Variants in ANKRD1 observed in about 807,000 individuals in gnomAD.
ANKRD1 encodes the protein ankyrin repeat domain-containing protein 1.
Under a neutral mutation model 40.1 loss-of-function variants are expected in ANKRD1, and 32 were observed. That is an observed-to-expected ratio of 0.80 (90% CI 0.60 to 1.07). The LOEUF is 1.07. ANKRD1 is among the 50% of genes least tolerant of loss of function. The pLI, the probability that ANKRD1 is intolerant of heterozygous loss-of-function variation, is 0.00. For missense variants in ANKRD1, 359 were observed against 386.0 expected (o/e 0.93, Z 0.59); for synonymous variants, 149 against 141.2 (o/e 1.06, Z -0.39).
Position 90,919,118 on chromosome 10 carries a change from A to G in ANKRD1, c.345+13T>C. On this transcript the variant is annotated intron_variant, in intron 3 of 8. Coordinates refer to ENST00000371697, the MANE Select transcript of ANKRD1 (RefSeq NM_014391.3). ...GGACATGTATTACTGGAAACCAAAA[A>G]AAAAGCCCTTACAATGATTTCAGGT... 6.2e-7 allele frequency: 1 copy of G among 1,612,820 alleles called. No homozygotes were observed. The highest frequency in any genetic ancestry group is 8.5e-7 in the Non-Finnish European group (1 of 1,179,696).
At chr10:90,917,068 T>C (rs767561665) in intron 5 of ANKRD1, among the ~76,000 whole-genome samples, 7 of 152,290 alleles carry the variant, frequency 4.6e-5, no homozygotes, top group Admixed American at 2.0e-4. Flanking sequence ...TTTTTTTCAA[T>C]GTGTTTATGT....
chr10:90,916,636 CA>C (rs1215117388), intron 5 of ANKRD1, among the ~76,000 whole-genome samples: 1 of 152,092 alleles, frequency 6.6e-6, no homozygotes, highest in Non-Finnish European at 1.5e-5. Flanking sequence ...AACCAGGTTC[CA>C]AAAAGTTCAA....
chr10:90,915,898 G>A lies in ANKRD1; in HGVS notation c.652-18C>T, dbSNP rs779127662. 5.6e-6 allele frequency: 9 copies of A among 1,609,684 alleles called. No homozygotes were observed. The highest frequency in any genetic ancestry group is 1.3e-5 in the African/African-American group (1 of 74,458). On this transcript the variant is annotated intron_variant, in intron 6 of 8. Transcript: ENST00000371697. The stretch of plus-strand genomic sequence containing the variant: ...CTGAGCAACTGGAAAATTGGAAAAC[G>A]CTGCTGATTCGCTAGGAATGAGGAC...
At chr10:90,920,632 CCTT>C (rs1442558878) in intron 1 of ANKRD1, among the ~76,000 whole-genome samples, 1 of 152,194 alleles carries the variant, frequency 6.6e-6, no homozygotes, top group African/African-American at 2.4e-5. Flanking sequence ...AAATCAAAAA[CCTT>C]CTCTGCTTAA....
intron 4 of ANKRD1, among the ~76,000 whole-genome samples, chr10:90,918,494 CT>C (rs1847396420): frequency 6.6e-6 from 1 of 151,878 alleles, no homozygotes. Context: ...GAACTCCAAT[CT>C]CCAGATTTCT....
chr10:90,913,191 G>T (rs550067720), intron 8 of ANKRD1, among the ~76,000 whole-genome samples: 11 of 152,118 alleles, frequency 7.2e-5, no homozygotes, highest in Non-Finnish European at 1.5e-5. Flanking sequence ...TCTTTTTCAC[G>T]TGGGACCATC....
chr10:90,915,981 C>T (rs1847366271), intron 6 of ANKRD1, 101 bp from the exon 7 acceptor site: 4 of 1,191,700 alleles, frequency 3.4e-6, no homozygotes, highest in South Asian at 1.3e-5. Flanking sequence ...ACTAGGGTGC[C>T]TGCACACAGC....
intron 1 of ANKRD1, 112 bp from the exon 2 acceptor site, chr10:90,920,460 T>C: frequency 8.8e-7 from 1 of 1,134,964 alleles, no homozygotes; most frequent in East Asian, 2.3e-5. Flanking sequence ...ACAGCCACCT[T>C]TGAGCAGTGC....
In ANKRD1 at chr10:90,915,541, A is replaced by C; in HGVS notation, c.849+2T>G. Reference sequence around the variant, plus strand: ...GCGGTGTTTCTTGTTTCCAGTACTTACACAGTTCTTGATGTTGAGATCCGC... The same window carrying C: ...GCGGTGTTTCTTGTTTCCAGTACTTCCACAGTTCTTGATGTTGAGATCCGC... On this transcript the variant is annotated splice_donor_variant, in intron 8 of 8. Transcript: ENST00000371697. LOFTEE classifies it high-confidence loss of function. The C allele has an allele frequency of 6.2e-7, 1 of 1,613,130 alleles. No individual in the cohort carries two copies. The highest frequency in any genetic ancestry group is 8.5e-7 in the Non-Finnish European group (1 of 1,179,190).
chr10:90,913,078 T>C (rs1847334893), intron 8 of ANKRD1, 102 bp from the exon 9 acceptor site: 2 of 1,082,974 alleles, frequency 1.8e-6, no homozygotes, highest in Non-Finnish European at 2.8e-6. Flanking sequence ...GTATATGTTA[T>C]AACAGTGTTT....
intron 1 of ANKRD1, 139 bp downstream of exon 1, chr10:90,920,862 C>G: frequency 1.3e-6 from 1 of 770,490 alleles, no homozygotes; most frequent in Non-Finnish European, 2.1e-6. Context: ...TCACTTGTTT[C>G]ATCACATCAA....
rs917552147 is a variant in ANKRD1, at chr10:90,919,031, G to A, written c.346-59C>T. 1.6e-5 allele frequency: 24 copies of A among 1,530,906 alleles called. No homozygotes were observed. The African/African-American group carries it at 1.6e-4, about 10-fold the overall frequency. The allele number at this position is 1,530,906 out of a possible 1,614,324, so 94.8% of individuals were successfully genotyped here. ...ATATATATATAGCATGAGAGTTACCGTGAGCTTGCCAGCATTCAATCAAAC... is the reference window on the plus strand; with the variant it reads ...ATATATATATAGCATGAGAGTTACCATGAGCTTGCCAGCATTCAATCAAAC... On this transcript the variant is annotated intron_variant, in intron 3 of 8. Coordinates refer to ENST00000371697, the MANE Select transcript of ANKRD1 (RefSeq NM_014391.3).
At chr10:90,917,347 A>G (rs145832579) in intron 5 of ANKRD1, among the ~76,000 whole-genome samples, 1 of 152,340 alleles carries the variant, frequency 6.6e-6, no homozygotes, top group African/African-American at 2.4e-5. Context: ...TCTATCATAT[A>G]AAGTGTGCAG....
intron 4 of ANKRD1, among the ~76,000 whole-genome samples, 180 bp from the exon 5 acceptor site, chr10:90,918,010 C>T (rs920689730): frequency 1.7e-4 from 26 of 152,236 alleles, no homozygotes; most frequent in African/African-American, 6.0e-4. Flanking sequence ...TATCCTGCAA[C>T]TAATATTTGA....
chr10:90,912,937 T>C lies in ANKRD1; in HGVS notation c.889A>G (p.Asn297Asp), dbSNP rs867948483. 3 of 1,614,114 alleles carry C rather than the reference T, an allele frequency of 1.9e-6. No homozygotes were observed. Among genetic ancestry groups the C allele is most frequent in the African/African-American group, 2.7e-5 (2 of 75,052 alleles). ...CTGTCGAATATTGCTTTGGTTCCAT[T>C]CTGCCAGTGTAGCACCAGATCCATC... is the stretch of plus-strand genomic sequence containing the variant. ...TPMDLVLHWQ[N>D]GTKAIFDSLR... is the part of the protein sequence containing the mutation. The change falls in exon 9 of 9, where the codon AAT becomes GAT. Residue 297 changes from asparagine to aspartate, a missense_variant. By Grantham distance (23) the Asn-to-Asp change is conservative. Transcript: ENST00000371697.
chr10:90,915,660 C>G lies in ANKRD1; in HGVS notation c.751-19G>C, dbSNP rs1238496607. 1 of 1,612,674 alleles carries G rather than the reference C, an allele frequency of 6.2e-7. No homozygotes were observed. The highest frequency in any genetic ancestry group is 8.5e-7 in the Non-Finnish European group (1 of 1,179,092). On this transcript the variant is annotated intron_variant, in intron 7 of 8. Transcript: ENST00000371697. ...CTCCTTCCTAGAGAAGCAGAGTCAA[C>G]AGGTTCAAGGTGGGTCTGAGGCCAG...
intron 1 of ANKRD1, 31 bp from the exon 2 acceptor site, chr10:90,920,379 G>A (rs776218760): frequency 1.6e-5 from 26 of 1,612,880 alleles, no homozygotes; most frequent in Non-Finnish European, 2.2e-5. Context: ...AGCGTCAGAA[G>A]CAGCAGCCTC....
intron 4 of ANKRD1, 93 bp from the exon 5 acceptor site, chr10:90,917,923 CCTAA>C: frequency 9.9e-7 from 1 of 1,010,706 alleles, no homozygotes; most frequent in Non-Finnish European, 1.5e-6. Context: ...ATTCTGATGA[CCTAA>C]CTGATAGAAA....
intron 8 of ANKRD1, among the ~76,000 whole-genome samples, chr10:90,914,883 C>T (rs1241508251): frequency 6.6e-6 from 1 of 151,972 alleles, no homozygotes; most frequent in Non-Finnish European, 1.5e-5. Context: ...GTTATGTTCC[C>T]TGCTTACAGA....
Sources: allele counts gnomAD v4.1 joint callset (sites outside exome capture counted in the v4.1 genomes callset), GRCh38; gene constraint gnomAD v4.1.1; transcripts MANE v1.5; gene names NCBI Gene and HGNC (gene_info 2026-07-23, HGNC 2026-07-21).